The following EEIG2 variants were observed in gnomAD, a reference collection of about 807,000 sequenced individuals.
The protein encoded by EEIG2 is family with sequence similarity 102 member B.
chr1:108,620,039 A>T, the EEIG2 span, among the ~76,000 whole-genome samples: 1 of 152,220 alleles, frequency 6.6e-6, no homozygotes, highest in Non-Finnish European at 1.5e-5. Context: ...AACCAGTTTT[A>T]AAAGTGTTGG....
At chr1:108,595,807 A>G in the EEIG2 span, among the ~76,000 whole-genome samples, 1 of 152,274 alleles carries the variant, frequency 6.6e-6, no homozygotes, top group East Asian at 1.9e-4. Context: ...GCCTAATCGT[A>G]TATGTTATCA....
the EEIG2 span, among the ~76,000 whole-genome samples, chr1:108,566,906 A>G: frequency 6.6e-6 from 1 of 152,198 alleles, no homozygotes; most frequent in Non-Finnish European, 1.5e-5. Flanking sequence ...ATTAGGTGGC[A>G]TGGATATGTT....
chr1:108,568,958 G>A, the EEIG2 span, among the ~76,000 whole-genome samples: 2 of 152,184 alleles, frequency 1.3e-5, no homozygotes, highest in Non-Finnish European at 2.9e-5. Context: ...AGAATAAAGG[G>A]AGGAGAGGAC....
the EEIG2 span, chr1:108,635,517 T>TA: frequency 5.6e-6 from 1 of 177,546 alleles, no homozygotes; most frequent in Non-Finnish European, 1.2e-5. Flanking sequence ...AGAGGCTCAA[T>TA]AGATTTGGGC....
chr1:108,574,369 A>G, the EEIG2 span, among the ~76,000 whole-genome samples: 5 of 152,186 alleles, frequency 3.3e-5, no homozygotes, highest in African/African-American at 9.7e-5. Context: ...GGTAGGGAAA[A>G]ATGAAGAGTT....
the EEIG2 span, among the ~76,000 whole-genome samples, chr1:108,561,110 G>T: frequency 1.3e-5 from 2 of 152,188 alleles, no homozygotes; most frequent in Non-Finnish European, 2.9e-5. Context: ...CCAGTTAGGC[G>T]CTAATGCTGG....
At chr1:108,580,185 T>C in the EEIG2 span, among the ~76,000 whole-genome samples, 3 of 152,172 alleles carry the variant, frequency 2.0e-5, no homozygotes, top group Non-Finnish European at 4.4e-5. Context: ...CTGTAATTAG[T>C]GATCTTTGAT....
chr1:108,635,145 C>T, the EEIG2 span: 15 of 1,613,936 alleles, frequency 9.3e-6, no homozygotes, highest in Non-Finnish European at 1.2e-5. Flanking sequence ...TGTGATCAAA[C>T]GCTAGAAGTC....
the EEIG2 span, among the ~76,000 whole-genome samples, chr1:108,619,464 G>A: frequency 3.3e-5 from 5 of 152,276 alleles, no homozygotes; most frequent in South Asian, 6.2e-4. Context: ...AAGTAAATTA[G>A]TTTTATCAAG....
At chr1:108,628,502 T>C in the EEIG2 span, 4 of 1,614,064 alleles carry the variant, frequency 2.5e-6, no homozygotes, top group East Asian at 4.5e-5. Flanking sequence ...TCTAGAGCCA[T>C]GTGATGAAAT....
the EEIG2 span, among the ~76,000 whole-genome samples, chr1:108,619,655 G>A: frequency 6.6e-6 from 1 of 152,208 alleles, no homozygotes; most frequent in Non-Finnish European, 1.5e-5. Flanking sequence ...GGGAGGCCAA[G>A]GCAGGTGGGT....
At chr1:108,575,442 C>T in the EEIG2 span, among the ~76,000 whole-genome samples, 4 of 152,142 alleles carry the variant, frequency 2.6e-5, no homozygotes, top group Non-Finnish European at 5.9e-5. Context: ...AGCAATTCCA[C>T]TCCTAGGTGG....
At chr1:108,579,997 T>G in the EEIG2 span, among the ~76,000 whole-genome samples, 1 of 152,102 alleles carries the variant, frequency 6.6e-6, no homozygotes, top group Non-Finnish European at 1.5e-5. Flanking sequence ...GCACTTGGCC[T>G]CAAGCCATCC....
chr1:108,597,007 A>G, the EEIG2 span, among the ~76,000 whole-genome samples: 594 of 152,286 alleles, frequency 3.9e-3, 23 homozygotes, highest in East Asian at 0.068. Flanking sequence ...GAATACAGGC[A>G]TGAGCCCCTG....
At chr1:108,563,648 A>G in the EEIG2 span, among the ~76,000 whole-genome samples, 2 of 152,216 alleles carry the variant, frequency 1.3e-5, no homozygotes, top group Admixed American at 1.3e-4. Flanking sequence ...TTGTACAACA[A>G]CTAAACATGC....
chr1:108,624,390 T>C, the EEIG2 span, among the ~76,000 whole-genome samples: 4 of 151,844 alleles, frequency 2.6e-5, no homozygotes, highest in African/African-American at 7.3e-5. Flanking sequence ...GAGGCCTCTC[T>C]TTTTAGGACT....
the EEIG2 span, among the ~76,000 whole-genome samples, chr1:108,632,946 A>AT: frequency 0.031 from 4,085 of 132,162 alleles, 221 homozygotes; most frequent in African/African-American, 0.085. Context: ...CATGCCCAGC[A>AT]TTTTTTTTTT....
the EEIG2 span, among the ~76,000 whole-genome samples, chr1:108,587,799 G>GT: frequency 6.6e-6 from 1 of 151,998 alleles, no homozygotes; most frequent in African/African-American, 2.4e-5. Context: ...ATCTAGGAAT[G>GT]TTTTTTTCTC....
the EEIG2 span, chr1:108,635,272 T>C: frequency 7.6e-7 from 1 of 1,310,942 alleles, no homozygotes; most frequent in African/African-American, 1.5e-5. Context: ...AAGCCAATGC[T>C]GGTTTCTTCT....
Sources: gnomAD v4.1 joint callset for allele counts (sites outside exome capture counted in the v4.1 genomes callset) on GRCh38, gnomAD v4.1.1 for gene constraint, MANE v1.5 for transcripts, NCBI Gene and HGNC (gene_info 2026-07-23, HGNC 2026-07-21) for gene names.